The following SUGCT variants were observed in gnomAD, a reference collection of about 807,000 sequenced individuals.
SUGCT encodes succinyl-CoA:glutarate CoA-transferase.
Under a neutral mutation model 55.0 loss-of-function variants are expected in SUGCT, and 41 were observed. The observed-to-expected ratio is 0.74, with a 90% CI of 0.58 to 0.97. SUGCT has a LOEUF of 0.97. Ranked by LOEUF, SUGCT falls within the 50% of genes least tolerant of loss-of-function variation. The pLI is 0.00. For synonymous variants in SUGCT, 187 were observed against 200.4 expected, an observed-to-expected ratio of 0.93 and a Z score of 0.56; for missense variants, 568 against 547.8, an observed-to-expected ratio of 1.04 and a Z score of -0.37.
At chr7:40,233,171 A>G (rs1201687546) in intron 6 of SUGCT, among the ~76,000 whole-genome samples, 2 of 151,896 alleles carry the variant, frequency 1.3e-5, no homozygotes, top group Non-Finnish European at 2.9e-5. Flanking sequence ...TAAGGTGAAA[A>G]TGTGGAATAA....
intron 12 of SUGCT, among the ~76,000 whole-genome samples, chr7:40,560,419 A>C (rs1291470325): frequency 6.6e-6 from 1 of 152,224 alleles, no homozygotes; most frequent in Non-Finnish European, 1.5e-5. Flanking sequence ...GGCAGCACAG[A>C]GATGTAAAAC....
At chr7:40,223,029 C>T (rs984880248) in intron 6 of SUGCT, among the ~76,000 whole-genome samples, 4 of 151,284 alleles carry the variant, frequency 2.6e-5, no homozygotes, top group Non-Finnish European at 1.5e-5. Context: ...TTCCTTCCTT[C>T]CTTCCTTCCT....
intron 9 of SUGCT, among the ~76,000 whole-genome samples, chr7:40,427,839 A>G (rs1468674974): frequency 6.6e-6 from 1 of 152,150 alleles, no homozygotes. Flanking sequence ...TTCATGCCCT[A>G]ACATACTCTG....
chr7:40,418,532 G>A (rs1787131083), intron 9 of SUGCT, among the ~76,000 whole-genome samples: 1 of 152,122 alleles, frequency 6.6e-6, no homozygotes, highest in African/African-American at 2.4e-5. Context: ...TAATGAGTTT[G>A]TACCAGCTCA....
intron 1 of SUGCT, among the ~76,000 whole-genome samples, chr7:40,141,257 A>G (rs1787965746): frequency 6.6e-6 from 1 of 150,826 alleles, no homozygotes; most frequent in Non-Finnish European, 1.5e-5. Context: ...GGCTCACTGC[A>G]AAGGCCTCCC....
At chr7:40,237,914 G>A (rs1437286207) in intron 7 of SUGCT, among the ~76,000 whole-genome samples, 188 bp downstream of exon 7, 2 of 152,158 alleles carry the variant, frequency 1.3e-5, no homozygotes, top group African/African-American at 4.8e-5. Flanking sequence ...AAGTAAAACA[G>A]GAAGTGTTCA....
At chr7:40,218,256 A>T (rs1159931231) in intron 6 of SUGCT, among the ~76,000 whole-genome samples, 3 of 152,202 alleles carry the variant, frequency 2.0e-5, no homozygotes, top group Non-Finnish European at 4.4e-5. Flanking sequence ...GAGTGAAAGC[A>T]AGAGGTGCTC....
At chr7:40,909,205 G>A in the SUGCT span, among the ~76,000 whole-genome samples, 44 of 152,180 alleles carry the variant, frequency 2.9e-4, 1 homozygote, top group Admixed American at 2.6e-3. Flanking sequence ...GTTCCTTCTC[G>A]GGTCACCTGG....
intron 9 of SUGCT, among the ~76,000 whole-genome samples, chr7:40,437,322 T>C (rs1419058737): frequency 6.6e-6 from 1 of 152,178 alleles, no homozygotes; most frequent in African/African-American, 2.4e-5. Context: ...AGGATATATG[T>C]GAGCATTCCA....
intron 13 of SUGCT, among the ~76,000 whole-genome samples, chr7:40,855,025 TA>T (rs5883745): frequency 0.32 from 46,029 of 144,320 alleles, 7,963 homozygotes; most frequent in East Asian, 0.79. Context: ...TTTTATTCTT[TA>T]AAAAAAAAAA....
intron 12 of SUGCT, among the ~76,000 whole-genome samples, chr7:40,710,908 G>A (rs1221769001): frequency 2.6e-5 from 4 of 152,198 alleles, no homozygotes; most frequent in Admixed American, 6.5e-5. Flanking sequence ...TTTAGAGTGT[G>A]AAATGCAGCC....
intron 12 of SUGCT, among the ~76,000 whole-genome samples, chr7:40,696,656 ATT>A (rs1784946865): frequency 6.6e-6 from 1 of 152,190 alleles, no homozygotes; most frequent in South Asian, 2.1e-4. Flanking sequence ...ATGTTAGTAG[ATT>A]TTAACTCTGT....
chr7:40,284,896 TTTG>T (rs1299066396), intron 8 of SUGCT, among the ~76,000 whole-genome samples: 35 of 152,146 alleles, frequency 2.3e-4, no homozygotes, highest in African/African-American at 8.4e-4. Context: ...CAAAATATGG[TTTG>T]TTGTCTTCTT....
At chr7:40,477,652 G>A (rs999896347) in intron 11 of SUGCT, among the ~76,000 whole-genome samples, 2 of 152,164 alleles carry the variant, frequency 1.3e-5, no homozygotes, top group Admixed American at 1.3e-4. Flanking sequence ...GGCAGCAAAT[G>A]AGAAAATGGG....
intron 12 of SUGCT, among the ~76,000 whole-genome samples, chr7:40,646,436 A>C (rs1227240460): frequency 6.6e-6 from 1 of 152,218 alleles, no homozygotes; most frequent in African/African-American, 2.4e-5. Context: ...ATTAAAACAA[A>C]ATCAAAATGC....
chr7:40,977,135 A>G, the SUGCT span, among the ~76,000 whole-genome samples: 1 of 152,166 alleles, frequency 6.6e-6, no homozygotes, highest in South Asian at 2.1e-4. Flanking sequence ...GGAGACCTGA[A>G]CACACACACA....
At chr7:40,339,023 G>C (rs1243691302) in intron 9 of SUGCT, among the ~76,000 whole-genome samples, 4 of 152,226 alleles carry the variant, frequency 2.6e-5, no homozygotes, top group African/African-American at 9.6e-5. Context: ...TCCAGACCCT[G>C]CTTGCCTGGG....
rs1789334662 is a variant in SUGCT, at chr7:40,240,858, C to T, written c.576+3132C>T. 3.3e-5 allele frequency among the ~76,000 whole-genome samples: 5 copies of T among 152,276 alleles called. No homozygotes were observed. The South Asian group carries it at 8.3e-4, about 25-fold the overall frequency. ...GGGTTGTCGGTCAGGGAAGGCATCT[C>T]TGAGGGCATATATTTAGGGTGGGAT... On this transcript the variant is annotated intron_variant, in intron 7 of 13. Coordinates refer to ENST00000335693, the MANE Select transcript of SUGCT (RefSeq NM_001193313.2).
At chr7:40,451,314 A>C (rs1407364504) in intron 10 of SUGCT, among the ~76,000 whole-genome samples, 1 of 152,124 alleles carries the variant, frequency 6.6e-6, no homozygotes, top group Non-Finnish European at 1.5e-5. Flanking sequence ...ACTGTACTGA[A>C]TTCTTTGTAT....
Sources: allele counts gnomAD v4.1 joint callset (sites outside exome capture counted in the v4.1 genomes callset), GRCh38; gene constraint gnomAD v4.1.1; transcripts MANE v1.5; gene names NCBI Gene and HGNC (gene_info 2026-07-23, HGNC 2026-07-21).